Variants in HIPK3 observed in about 807,000 individuals in gnomAD.
HIPK3 encodes homeodomain-interacting protein kinase 3.
Under a neutral mutation model 124.2 loss-of-function variants are expected in HIPK3, and 47 were observed. The ratio of observed to expected loss-of-function variants is 0.38; its 90% CI spans 0.30 to 0.48. The LOEUF (loss-of-function observed/expected upper bound fraction) is 0.48. HIPK3 is among the 20% of genes least tolerant of loss of function. The probability of loss-of-function intolerance (pLI) is 0.98; values close to 1 mark genes in which losing one functional copy is unlikely to be tolerated. For missense variants in HIPK3, 1,286 were observed against 1,454.3 expected (o/e 0.88, Z 1.88); for synonymous variants, 482 against 515.2 (o/e 0.94, Z 0.87).
rs376917296 is a variant in HIPK3 at position 33,284,916 on chromosome 11, C to T, written c.-2-1497C>T. 3.3e-5 allele frequency among the ~76,000 whole-genome samples: 5 copies of T among 152,102 alleles called. No individual in the cohort carries two copies. In the South Asian group the frequency reaches 1.0e-3, roughly 32 times the overall value. ...GCAGATCTAACACCTGTGTAATTAT[C>T]AGTTTTTCTAGCTATGGTACTGAGG... On this transcript the variant is annotated intron_variant, in intron 1 of 16. Transcript: ENST00000303296.
At chr11:33,307,130 G>T (rs1852184471) in intron 2 of HIPK3, among the ~76,000 whole-genome samples, 1 of 151,710 alleles carries the variant, frequency 6.6e-6, no homozygotes, top group South Asian at 2.1e-4. Flanking sequence ...GTAGAAATGG[G>T]GTTTTGCCAT....
chr11:33,311,793 A>G (rs1019635360), intron 2 of HIPK3, among the ~76,000 whole-genome samples: 1 of 151,038 alleles, frequency 6.6e-6, no homozygotes, highest in Non-Finnish European at 1.5e-5. Flanking sequence ...GGATCGCTCC[A>G]GGAGTTCATG....
intron 2 of HIPK3, among the ~76,000 whole-genome samples, chr11:33,323,212 C>G (rs1012739894): frequency 2.0e-5 from 3 of 152,150 alleles, no homozygotes; most frequent in Non-Finnish European, 4.4e-5. Context: ...AAGCCAGTCA[C>G]AAAGACTACG....
At chr11:33,347,573 A>G in intron 9 of HIPK3, 56 bp from the exon 10 acceptor site, 1 of 1,590,436 alleles carries the variant, frequency 6.3e-7, no homozygotes, top group Non-Finnish European at 8.6e-7. Context: ...AAGATATGGT[A>G]AAGTTCAATT....
chr11:33,258,580 G>A (rs1850737564), intron 1 of HIPK3: 6 of 985,318 alleles, frequency 6.1e-6, no homozygotes, highest in Non-Finnish European at 4.8e-6. Context: ...GGCTTCTCTC[G>A]TTACGGTGGC....
chr11:33,291,017 A>G (rs949255585), intron 2 of HIPK3, among the ~76,000 whole-genome samples: 1 of 152,340 alleles, frequency 6.6e-6, no homozygotes, highest in Non-Finnish European at 1.5e-5. Context: ...AAAACTAAAA[A>G]TAGATTTTAT....
rs266453 is a variant in HIPK3, at chr11:33,300,112, C to T, written c.1097+12601C>T. Among the ~76,000 whole-genome samples, 1,127 of 151,278 alleles carry T rather than the reference C, an allele frequency of 7.4e-3. 12 individuals carry two copies. Among genetic ancestry groups the T allele is most frequent in the African/African-American group, 0.026 (1,069 of 41,242 alleles). On this transcript the variant is annotated intron_variant, in intron 2 of 16. Transcript: ENST00000303296. ...ATCCCAGCACTTTGGGAGGCTGAGGCGGGCAGATCACAAGGTCAGGAGTTC... is the reference window on the plus strand; with the variant it reads ...ATCCCAGCACTTTGGGAGGCTGAGGTGGGCAGATCACAAGGTCAGGAGTTC...
intron 1 of HIPK3, among the ~76,000 whole-genome samples, chr11:33,285,598 G>A (rs541798456): frequency 6.7e-6 from 1 of 150,284 alleles, no homozygotes; most frequent in East Asian, 1.9e-4. Context: ...TATATATATA[G>A]TTAAAGCAGA....
At chr11:33,293,132 A>G (rs747483419) in intron 2 of HIPK3, among the ~76,000 whole-genome samples, 1 of 152,202 alleles carries the variant, frequency 6.6e-6, no homozygotes, top group Non-Finnish European at 1.5e-5. Context: ...TCGACTACAT[A>G]TATCGGGCCT....
Position 33,257,653 on chromosome 11 carries a change from C to T in HIPK3, c.-239C>T, listed in dbSNP as rs1850701685. 2 of 991,706 alleles carry T rather than the reference C, an allele frequency of 2.0e-6. No homozygotes were observed. The highest frequency in any genetic ancestry group is 1.7e-5 in the African/African-American group (1 of 57,284). 61.4% of individuals were successfully genotyped at this position (991,706 alleles called of 1,614,324 possible). On this transcript the variant is annotated 5_prime_UTR_variant, in exon 1 of 17. Coordinates refer to ENST00000303296, the MANE Select transcript of HIPK3 (RefSeq NM_005734.5). ...AGGAAGATGAGGGAGACGGGCCCGG[C>T]GCTTAGCAGCCAGAGCAGCAGCAGC...
chr11:33,332,738 C>T (rs879364419), intron 3 of HIPK3, among the ~76,000 whole-genome samples: 8 of 152,028 alleles, frequency 5.3e-5, no homozygotes, highest in Non-Finnish European at 8.8e-5. Context: ...CACAAGCTGG[C>T]CCAAATAAGG....
intron 1 of HIPK3, among the ~76,000 whole-genome samples, chr11:33,272,281 C>T (rs1851146188): frequency 6.6e-6 from 1 of 152,062 alleles, no homozygotes; most frequent in East Asian, 1.9e-4. Flanking sequence ...TGCCTGTAAT[C>T]CCAGCTACTC....
chr11:33,338,857 C>T lies in HIPK3; in HGVS notation c.1428+14C>T. 1 of 1,581,814 alleles carries T rather than the reference C, an allele frequency of 6.3e-7. No homozygotes were observed. The highest frequency in any genetic ancestry group is 8.7e-7 in the Non-Finnish European group (1 of 1,153,010). On this transcript the variant is annotated intron_variant, in intron 5 of 16. Coordinates refer to ENST00000303296, the MANE Select transcript of HIPK3 (RefSeq NM_005734.5). ...GATGTAGCGCATGTGAGTACCATAG[C>T]CACATTTGTTCATCTTACATGCTTA... is the stretch of plus-strand genomic sequence containing the variant.
At chr11:33,278,871 A>G (rs1308809927) in intron 1 of HIPK3, among the ~76,000 whole-genome samples, 1 of 152,164 alleles carries the variant, frequency 6.6e-6, no homozygotes, top group East Asian at 1.9e-4. Context: ...ATGATTTAAG[A>G]TAGTAAATTT....
intron 1 of HIPK3, among the ~76,000 whole-genome samples, chr11:33,280,236 A>T (rs1851376806): frequency 6.6e-6 from 1 of 152,218 alleles, no homozygotes; most frequent in African/African-American, 2.4e-5. Flanking sequence ...GGTCATGAAT[A>T]ATACAGCTGC....
At chr11:33,289,790 T>A (rs1240616984) in intron 2 of HIPK3, among the ~76,000 whole-genome samples, 1 of 152,196 alleles carries the variant, frequency 6.6e-6, no homozygotes, top group Admixed American at 6.5e-5. Flanking sequence ...GACCCCTTAA[T>A]CATCTCTACT....
rs370526633 is a variant in HIPK3, at chr11:33,328,603, G to A, written c.1191G>A (p.Pro397=). 9 of 1,613,162 alleles carry A rather than the reference G, an allele frequency of 5.6e-6. No homozygotes were observed. Among genetic ancestry groups the A allele is most frequent in the Admixed American group, 3.3e-5 (2 of 59,986 alleles). The part of the protein sequence containing the change: ...CVIAELFLGW[P]LYPGALEYDQ... ...TTGCAGAATTATTTCTTGGATGGCC[G>A]CTCTACCCAGGAGCCTTGGAGTATG... Residue 397 remains proline (P), a synonymous_variant, in exon 3 of 17, where the codon CCG becomes CCA. Coordinates refer to ENST00000303296, the MANE Select transcript of HIPK3 (RefSeq NM_005734.5).
At chr11:33,334,864 C>T (rs1853093218) in intron 3 of HIPK3, among the ~76,000 whole-genome samples, 1 of 152,068 alleles carries the variant, frequency 6.6e-6, no homozygotes, top group African/African-American at 2.4e-5. Flanking sequence ...TGGGCGTGAG[C>T]GGCTAAGGAC....
At chr11:33,300,084 A>C (rs1353696902) in intron 2 of HIPK3, among the ~76,000 whole-genome samples, 3 of 150,088 alleles carry the variant, frequency 2.0e-5, no homozygotes, top group African/African-American at 7.4e-5. Context: ...GCTCATGCCT[A>C]TAATCCCAGC....
Sources: gnomAD v4.1 joint callset for allele counts (sites outside exome capture counted in the v4.1 genomes callset) on GRCh38, gnomAD v4.1.1 for gene constraint, MANE v1.5 for transcripts, NCBI Gene and HGNC (gene_info 2026-07-23, HGNC 2026-07-21) for gene names.